Variants in DLGAP1 observed in about 807,000 individuals in gnomAD.
The protein encoded by DLGAP1 is disks large-associated protein 1.
In DLGAP1, 11 loss-of-function variants were observed where a neutral mutation model predicts 90.8. The ratio of observed to expected loss-of-function variants is 0.12; its 90% CI spans 0.08 to 0.20. The LOEUF is 0.20. DLGAP1 is among the 10% of genes least tolerant of loss of function. The pLI is 1.00. For synonymous variants in DLGAP1, 558 were observed against 540.7 expected (o/e 1.03, Z -0.44); for missense variants, 1,050 against 1,333.8 (o/e 0.79, Z 3.31).
intron 4 of DLGAP1, among the ~76,000 whole-genome samples, chr18:3,816,649 C>T (rs868833194): frequency 6.6e-6 from 1 of 152,166 alleles, no homozygotes; most frequent in Non-Finnish European, 1.5e-5. Flanking sequence ...TAAATGTCAG[C>T]TCATTTGATC....
In DLGAP1 at chr18:3,987,304, A is replaced by C. The variant is rs550607671; in HGVS notation, c.-73+17812T>G. ...TCCAGGCCTACTCACTGAGGTCCCC[A>C]TTTCCTCGATTGTTTGGAGAAAGGA... On this transcript the variant is annotated intron_variant, in intron 3 of 12. Transcript: ENST00000315677. Among the ~76,000 whole-genome samples the C allele has an allele frequency of 2.0e-5, 3 of 152,252 alleles. No individual in the cohort carries two copies. The South Asian group carries it at 6.2e-4, about 32-fold the overall frequency.
At chr18:4,193,996 A>T (rs114934552) in intron 1 of DLGAP1, among the ~76,000 whole-genome samples, 2,166 of 152,014 alleles carry the variant, frequency 0.014, 41 homozygotes, top group African/African-American at 0.049. Flanking sequence ...TAATTTCAAA[A>T]TTTTTTTTCA....
intron 2 of DLGAP1, among the ~76,000 whole-genome samples, chr18:4,142,615 T>C (rs1598474595): frequency 6.6e-6 from 1 of 152,184 alleles, no homozygotes; most frequent in African/African-American, 2.4e-5. Flanking sequence ...ATAAAAAGTA[T>C]AGAACGGCAA....
At chr18:4,232,115 C>G (rs909100061) in intron 1 of DLGAP1, among the ~76,000 whole-genome samples, 1 of 152,052 alleles carries the variant, frequency 6.6e-6, no homozygotes, top group African/African-American at 2.4e-5. Context: ...CACATTTACA[C>G]CTATTAATTT....
chr18:3,506,747 T>G (rs1222377446), intron 11 of DLGAP1, among the ~76,000 whole-genome samples: 1 of 152,300 alleles, frequency 6.6e-6, no homozygotes, highest in East Asian at 1.9e-4. Flanking sequence ...ATGTACATGT[T>G]TGAGCAACAC....
intron 1 of DLGAP1, among the ~76,000 whole-genome samples, chr18:4,368,616 ATC>A (rs1344478475): frequency 2.7e-4 from 36 of 132,632 alleles, no homozygotes; most frequent in Non-Finnish European, 2.8e-4. Flanking sequence ...ATTCTTTAAA[ATC>A]TCTCTCTCTC....
At chr18:4,220,943 TGTTTAGATAC>T (rs1217372701) in intron 1 of DLGAP1, among the ~76,000 whole-genome samples, 1 of 152,164 alleles carries the variant, frequency 6.6e-6, no homozygotes, top group Non-Finnish European at 1.5e-5. Context: ...TGTTTAGATA[TGTTTAGATAC>T]ACAAATATTT....
At chr18:3,874,595 T>C in intron 4 of DLGAP1, 1 of 1,515,940 alleles carries the variant, frequency 6.6e-7, no homozygotes, top group Non-Finnish European at 8.8e-7. Context: ...TTTTATTTAT[T>C]TAACTATTAA....
At chr18:4,058,553 T>C (rs1352780103) in intron 2 of DLGAP1, among the ~76,000 whole-genome samples, 2 of 152,222 alleles carry the variant, frequency 1.3e-5, no homozygotes, top group African/African-American at 2.4e-5. Flanking sequence ...AGCACCCCTT[T>C]GGGAGGAGGG....
rs551572552 is a variant in DLGAP1, at chr18:4,135,869, A to C, written c.-159+15311T>G. ...ATTTTCTTTTATTATTATTCTTCTT[A>C]TTATTTTTTATTATTATACTTTAAG... is the stretch of plus-strand genomic sequence containing the variant. On this transcript the variant is annotated intron_variant, in intron 2 of 12. Transcript: ENST00000315677. Among the ~76,000 whole-genome samples, 60 of 124,008 alleles carry C rather than the reference A, an allele frequency of 4.8e-4. 1 individual carries two copies. The East Asian group carries it at 5.5e-3, about 11-fold the overall frequency. 81.4% of individuals were successfully genotyped at this position (124,008 alleles called of 152,430 possible).
chr18:3,592,362 C>T (rs1472802163), intron 7 of DLGAP1, among the ~76,000 whole-genome samples: 1 of 152,194 alleles, frequency 6.6e-6, no homozygotes, highest in Non-Finnish European at 1.5e-5. Flanking sequence ...CCGGACTTTC[C>T]AACAAATGCC....
chr18:4,185,755 G>A (rs973692898), intron 1 of DLGAP1, among the ~76,000 whole-genome samples: 5 of 152,070 alleles, frequency 3.3e-5, no homozygotes, highest in African/African-American at 4.8e-5. Context: ...GTTTGCATGC[G>A]TGGGTCTTTA....
At chr18:3,988,419 T>A (rs1365190301) in intron 3 of DLGAP1, among the ~76,000 whole-genome samples, 1 of 152,130 alleles carries the variant, frequency 6.6e-6, no homozygotes, top group Non-Finnish European at 1.5e-5. Flanking sequence ...CTCTGCACAG[T>A]TAAACCTCTC....
intron 5 of DLGAP1, among the ~76,000 whole-genome samples, chr18:3,772,380 CTTTCTTTCTTTCTTTCTT>C (rs2064698138): frequency 3.4e-5 from 1 of 29,188 alleles, no homozygotes; most frequent in Non-Finnish European, 7.2e-5. Flanking sequence ...TTCTTTCTTT[CTTTCTTTCTTTCTTTCTT>C]TCTTTCTTTC....
chr18:3,751,884 T>TTCTTCTTC (rs1491097533), intron 5 of DLGAP1, among the ~76,000 whole-genome samples: 2 of 114,074 alleles, frequency 1.8e-5, no homozygotes, highest in African/African-American at 8.2e-5. Context: ...CTTCTTCTTC[T>TTCTTCTTC]TTTTTTTTTT....
Position 4,008,224 on chromosome 18 carries a change from T to C in DLGAP1, c.-158-3023A>G, listed in dbSNP as rs541820323. ...ATATGTAAATAAATAAATATATATATATACACACACACACACACACACACA... is the reference window on the plus strand; with the variant it reads ...ATATGTAAATAAATAAATATATATACATACACACACACACACACACACACA... On this transcript the variant is annotated intron_variant, in intron 2 of 12. Transcript: ENST00000315677. Among the ~76,000 whole-genome samples, 512 of 145,578 alleles carry C rather than the reference T, an allele frequency of 3.5e-3. 1 individual carries two copies. The highest frequency in any genetic ancestry group is 6.9e-3 in the African/African-American group (276 of 39,772).
At chr18:4,433,907 T>C (rs2144772265) in intron 1 of DLGAP1, among the ~76,000 whole-genome samples, 1 of 152,288 alleles carries the variant, frequency 6.6e-6, no homozygotes, top group Admixed American at 6.5e-5. Context: ...CTCTTTAGTT[T>C]ATGTGCTGAA....
chr18:4,341,777 A>G (rs1183887554), intron 1 of DLGAP1, among the ~76,000 whole-genome samples: 1 of 152,184 alleles, frequency 6.6e-6, no homozygotes, highest in Non-Finnish European at 1.5e-5. Context: ...CATCAAACAT[A>G]AGAGGGATTC....
intron 1 of DLGAP1, among the ~76,000 whole-genome samples, chr18:4,446,301 T>C (rs2083665894): frequency 6.6e-6 from 1 of 152,132 alleles, no homozygotes; most frequent in Admixed American, 6.5e-5. Context: ...AGGACAAAGT[T>C]TGAGGAGTTT....
Sources: gnomAD v4.1 joint callset for allele counts (sites outside exome capture counted in the v4.1 genomes callset) on GRCh38, gnomAD v4.1.1 for gene constraint, MANE v1.5 for transcripts, NCBI Gene and HGNC (gene_info 2026-07-23, HGNC 2026-07-21) for gene names.